XPR1: variants seen among roughly 807,000 people sequenced by gnomAD.
The protein encoded by XPR1 is solute carrier family 53 member 1.
A neutral mutation model predicts 87.5 loss-of-function variants in XPR1; 28 were observed. The observed-to-expected ratio is 0.32, with a 90% CI of 0.24 to 0.44. The LOEUF is 0.44. Among genes scored for constraint, XPR1 ranks in the 20% least tolerant of loss-of-function variants. The pLI is 1.00. For synonymous variants in XPR1, 300 were observed against 306.1 expected (o/e 0.98, Z 0.21); for missense variants, 559 against 862.3 (o/e 0.65, Z 4.41).
chr1:180,718,752 C>A (rs1658082074), intron 2 of XPR1, among the ~76,000 whole-genome samples: 1 of 151,564 alleles, frequency 6.6e-6, no homozygotes, highest in African/African-American at 2.4e-5. Flanking sequence ...CACCGCAACC[C>A]CTGCCTCTGG....
chr1:180,875,149 CA>C (rs372311439), intron 13 of XPR1, among the ~76,000 whole-genome samples: 62 of 152,192 alleles, frequency 4.1e-4, no homozygotes, highest in African/African-American at 1.3e-3. Context: ...TCAAAAGTCC[CA>C]AATGTTTAGA....
chr1:180,833,321 A>G (rs1470141774), intron 9 of XPR1, among the ~76,000 whole-genome samples: 1 of 152,240 alleles, frequency 6.6e-6, no homozygotes, highest in Non-Finnish European at 1.5e-5. Context: ...AAATTCACAC[A>G]TAACAATATT....
At chr1:180,819,654 A>G (rs1318406200) in intron 7 of XPR1, among the ~76,000 whole-genome samples, 1 of 152,210 alleles carries the variant, frequency 6.6e-6, no homozygotes, top group Admixed American at 6.5e-5. Flanking sequence ...CACAGATATT[A>G]ACTAGACAGA....
intron 3 of XPR1, among the ~76,000 whole-genome samples, chr1:180,792,393 A>T (rs1649421337): frequency 1.3e-5 from 2 of 152,138 alleles, no homozygotes; most frequent in South Asian, 2.1e-4. Context: ...AAAATTTGGA[A>T]TTTTTTTCTT....
chr1:180,745,053 A>G (rs1447426018), intron 2 of XPR1, among the ~76,000 whole-genome samples: 1 of 152,204 alleles, frequency 6.6e-6, no homozygotes, highest in African/African-American at 2.4e-5. Context: ...CCTATAAGAT[A>G]TGCTATTCAG....
intron 1 of XPR1, among the ~76,000 whole-genome samples, chr1:180,670,929 C>T (rs759786551): frequency 5.3e-5 from 8 of 151,920 alleles, no homozygotes; most frequent in Admixed American, 3.3e-4. Context: ...GGCAATTTGA[C>T]CTGGATCTTG....
chr1:180,784,222 T>G (rs1490342848), intron 2 of XPR1, among the ~76,000 whole-genome samples: 1 of 152,070 alleles, frequency 6.6e-6, no homozygotes, highest in Non-Finnish European at 1.5e-5. Flanking sequence ...ATGAGTGTGT[T>G]CATTTATCAT....
intron 4 of XPR1, among the ~76,000 whole-genome samples, chr1:180,804,256 G>A (rs912932767): frequency 3.9e-5 from 6 of 152,274 alleles, no homozygotes; most frequent in East Asian, 1.9e-4. Flanking sequence ...GATTACAGGC[G>A]TGAGCCAATG....
intron 1 of XPR1, among the ~76,000 whole-genome samples, chr1:180,652,644 C>CT (rs1655335174): frequency 6.6e-6 from 1 of 152,106 alleles, no homozygotes; most frequent in Non-Finnish European, 1.5e-5. Flanking sequence ...CCTTTCCATA[C>CT]TTTTTATAAG....
At chr1:180,656,394 TATATAA>T (rs1203022908) in intron 1 of XPR1, among the ~76,000 whole-genome samples, 1 of 53,814 alleles carries the variant, frequency 1.9e-5, no homozygotes, top group South Asian at 4.9e-4. Flanking sequence ...CATGTATTTA[TATATAA>T]ATATTTATAT....
At chr1:180,795,119 A>G (rs898091698) in intron 3 of XPR1, among the ~76,000 whole-genome samples, 10 of 152,216 alleles carry the variant, frequency 6.6e-5, no homozygotes, top group African/African-American at 2.4e-4. Context: ...GTAATATTGT[A>G]AGACAGGTAA....
At chr1:180,703,200 C>T (rs1368400877) in intron 2 of XPR1, among the ~76,000 whole-genome samples, 1 of 152,060 alleles carries the variant, frequency 6.6e-6, no homozygotes, top group Non-Finnish European at 1.5e-5. Context: ...GCAAGGTGGA[C>T]ATGTCCCCAA....
intron 2 of XPR1, among the ~76,000 whole-genome samples, chr1:180,742,266 A>G (rs1658946750): frequency 6.6e-6 from 1 of 152,094 alleles, no homozygotes; most frequent in African/African-American, 2.4e-5. Flanking sequence ...TCATATAAAC[A>G]TTTTATATCA....
intron 2 of XPR1, among the ~76,000 whole-genome samples, chr1:180,701,529 G>A (rs556093446): frequency 0.018 from 2,496 of 140,490 alleles, 475 homozygotes; most frequent in African/African-American, 0.072. Context: ...TTATTGATTT[G>A]TGTATATTGA....
chr1:180,821,223 T>C (rs1269132748), intron 7 of XPR1, among the ~76,000 whole-genome samples: 2 of 152,206 alleles, frequency 1.3e-5, no homozygotes, highest in African/African-American at 4.8e-5. Context: ...AATTAATCTT[T>C]GTGTATGCTG....
intron 2 of XPR1, among the ~76,000 whole-genome samples, chr1:180,747,421 T>C (rs560152916): frequency 1.3e-5 from 2 of 152,364 alleles, no homozygotes; most frequent in East Asian, 3.9e-4. Flanking sequence ...TTTGTACTTA[T>C]TTGTCACTAA....
At position 180,722,757 on chromosome 1, in the gene XPR1, C is replaced by T. The variant is rs1446806367; in HGVS notation, c.121+40346C>T. Among the ~76,000 whole-genome samples the T allele has an allele frequency of 2.6e-5, 4 of 152,050 alleles. No individual in the cohort carries two copies. The East Asian group carries it at 7.7e-4, about 29-fold the overall frequency. On this transcript the variant is annotated intron_variant, in intron 2 of 14. Coordinates refer to ENST00000367590, the MANE Select transcript of XPR1 (RefSeq NM_004736.4). Reference sequence around the variant, plus strand: ...CAGTTGTCTCTCTTGCTTTGCTTTCCTTCTGAAATGATGTTTCCATTTTGG... The same window carrying T: ...CAGTTGTCTCTCTTGCTTTGCTTTCTTTCTGAAATGATGTTTCCATTTTGG...
intron 2 of XPR1, among the ~76,000 whole-genome samples, chr1:180,748,939 C>G (rs767384960): frequency 2.0e-5 from 3 of 152,222 alleles, no homozygotes; most frequent in Non-Finnish European, 4.4e-5. Context: ...TGGCTCACGC[C>G]TATAATCCCA....
intron 2 of XPR1, among the ~76,000 whole-genome samples, chr1:180,761,819 C>T (rs1183663735): frequency 6.6e-6 from 1 of 152,124 alleles, no homozygotes; most frequent in Non-Finnish European, 1.5e-5. Context: ...GACACATGCA[C>T]ACGTATGTTT....
Sources: gnomAD v4.1 joint callset for allele counts (sites outside exome capture counted in the v4.1 genomes callset) on GRCh38, gnomAD v4.1.1 for gene constraint, MANE v1.5 for transcripts, NCBI Gene and HGNC (gene_info 2026-07-23, HGNC 2026-07-21) for gene names.